CRTC1: variants seen among roughly 807,000 people sequenced by gnomAD.
CRTC1 encodes the protein CREB regulated transcription coactivator 1, also known as CREB-regulated transcription coactivator 1.
In CRTC1, 18 loss-of-function variants were observed where a neutral mutation model predicts 66.1. That is an observed-to-expected ratio of 0.27 (90% CI 0.19 to 0.40). CRTC1 has a LOEUF of 0.40. CRTC1 is among the 10% of genes least tolerant of loss of function. CRTC1 has a pLI of 1.00. For synonymous variants in CRTC1, 416 were observed against 398.8 expected (o/e 1.04, Z -0.51); for missense variants, 669 against 887.9 (o/e 0.75, Z 3.13).
chr19:18,687,644 C>T (rs1257337836), intron 1 of CRTC1, among the ~76,000 whole-genome samples: 1 of 152,108 alleles, frequency 6.6e-6, no homozygotes, highest in African/African-American at 2.4e-5. Flanking sequence ...ATGATCGGGT[C>T]GGCACCTGCT....
chr19:18,716,175 TG>T, intron 1 of CRTC1, among the ~76,000 whole-genome samples: 2 of 151,726 alleles, frequency 1.3e-5, no homozygotes, highest in Non-Finnish European at 2.9e-5. Flanking sequence ...CCACCCTTGT[TG>T]GGGGCTGTGG....
intron 2 of CRTC1, among the ~76,000 whole-genome samples, chr19:18,743,842 G>A (rs796380198): frequency 5.9e-5 from 9 of 152,356 alleles, no homozygotes; most frequent in African/African-American, 2.2e-4. Flanking sequence ...GATGCTGGGC[G>A]TGTTCTTTGT....
chr19:18,737,933 C>T (rs563571593), intron 1 of CRTC1, among the ~76,000 whole-genome samples: 1 of 152,144 alleles, frequency 6.6e-6, no homozygotes, highest in Non-Finnish European at 1.5e-5. Context: ...GTATGTAATA[C>T]GTATAACATA....
Position 18,768,742 on chromosome 19 carries a change from G to A in CRTC1, c.1269G>A (p.Gln423=). The change falls in exon 10 of 14, where the codon CAG becomes CAA. Residue 423 remains glutamine (Q), a synonymous_variant. Transcript: ENST00000321949. The surrounding 1 kb of genome is among the most constrained non-coding windows in gnomAD (Gnocchi z 5.6). The part of the protein sequence containing the change: ...LAVTVPSSLP[Q]SPPENPGQPS... ...TCACGGTACCGTCCTCTCTCCCCCAGTCCCCCCCAGAGAACCCTGGCCAGC... is the reference window on the plus strand; with the variant it reads ...TCACGGTACCGTCCTCTCTCCCCCAATCCCCCCCAGAGAACCCTGGCCAGC... The A allele has an allele frequency of 6.2e-7, 1 of 1,600,126 alleles. No individual in the cohort carries two copies. The highest frequency in any genetic ancestry group is 1.7e-5 in the Admixed American group (1 of 59,156).
At position 18,760,537 on chromosome 19, in the gene CRTC1, G is replaced by A. The variant is rs1265976379; in HGVS notation, c.886+309G>A. On this transcript the variant is annotated intron_variant, in intron 8 of 13. Transcript: ENST00000321949. The surrounding 1 kb of genome is among the most constrained non-coding windows in gnomAD (Gnocchi z 6.2). ...TTTTAACGCAGCTGGGGTGGGCCAGGCCTTCCCTCCGCCCCTCCTCGACCC... is the reference window on the plus strand; with the variant it reads ...TTTTAACGCAGCTGGGGTGGGCCAGACCTTCCCTCCGCCCCTCCTCGACCC... Among the ~76,000 whole-genome samples, 3 of 152,072 alleles carry A rather than the reference G, an allele frequency of 2.0e-5. No individual in the cohort carries two copies. The highest frequency in any genetic ancestry group is 4.8e-5 in the African/African-American group (2 of 41,476).
At chr19:18,738,040 T>G (rs971843098) in intron 1 of CRTC1, among the ~76,000 whole-genome samples, 2 of 151,868 alleles carry the variant, frequency 1.3e-5, no homozygotes, top group African/African-American at 4.8e-5. Context: ...TATACTGGAG[T>G]GGGGCACGGT....
rs182208261 is a variant in CRTC1 at position 18,720,608 on chromosome 19, C to T, written c.127-22302C>T. Among the ~76,000 whole-genome samples, 286 of 151,142 alleles carry T rather than the reference C, an allele frequency of 1.9e-3. 3 individuals carry two copies. The highest frequency in any genetic ancestry group is 0.015 in the South Asian group (71 of 4,794). On this transcript the variant is annotated intron_variant, in intron 1 of 13. Transcript: ENST00000321949. ...GTCTTGATCTCCTGACCTTGTGATCCGCCCGCCTCGGCCTCCCAGAGTGCT... is the reference window on the plus strand; with the variant it reads ...GTCTTGATCTCCTGACCTTGTGATCTGCCCGCCTCGGCCTCCCAGAGTGCT...
chr19:18,694,840 G>GTGGT (rs1412777184), intron 1 of CRTC1, among the ~76,000 whole-genome samples: 1 of 152,092 alleles, frequency 6.6e-6, no homozygotes, highest in Non-Finnish European at 1.5e-5. Flanking sequence ...GGGGCTGGGG[G>GTGGT]TGGTTAGCAA....
At chr19:18,774,540 C>G (rs1008124896) in intron 11 of CRTC1, among the ~76,000 whole-genome samples, 3 of 152,242 alleles carry the variant, frequency 2.0e-5, no homozygotes, top group South Asian at 2.1e-4. Flanking sequence ...CACTTCCCGC[C>G]TTGGCCCTGG....
At chr19:18,725,379 C>T (rs1008565104) in intron 1 of CRTC1, among the ~76,000 whole-genome samples, 2 of 152,232 alleles carry the variant, frequency 1.3e-5, no homozygotes, top group Admixed American at 1.3e-4. Context: ...AGAATCCTTG[C>T]TCTCTGTCAT....
At chr19:18,775,014 G>A (rs2054952837) in intron 12 of CRTC1, 28 bp downstream of exon 12, 1 of 1,595,682 alleles carries the variant, frequency 6.3e-7, no homozygotes, top group African/African-American at 1.3e-5. Flanking sequence ...CTGCCAGCCG[G>A]CCGGTGCCCA....
chr19:18,708,313 C>A (rs1329326945), intron 1 of CRTC1, among the ~76,000 whole-genome samples: 5 of 152,018 alleles, frequency 3.3e-5, no homozygotes, highest in Non-Finnish European at 5.9e-5. Flanking sequence ...TTAAGAAAGG[C>A]TAGAGAAAAG....
rs1239144978 is a variant in CRTC1 at position 18,768,792 on chromosome 19, C to T, written c.1319C>T (p.Ser440Leu). Residue 440 changes from serine (S) to leucine (L), a missense_variant and splice_region_variant, in exon 10 of 14, where the codon TCG becomes TTG. Coordinates refer to ENST00000321949, the MANE Select transcript of CRTC1 (RefSeq NM_015321.3). The surrounding 1 kb of genome is among the most constrained non-coding windows in gnomAD (Gnocchi z 5.6). The part of the protein sequence containing the change: ...GQPSMGIDIA[S>L]APALQQYRTS... ...CCATCGATGGGGATCGACATCGCCTCGGTAAGCCCAGGGTGGGGTCCCTCG... is the reference window on the plus strand; with the variant it reads ...CCATCGATGGGGATCGACATCGCCTTGGTAAGCCCAGGGTGGGGTCCCTCG... 3.8e-6 allele frequency: 6 copies of T among 1,596,058 alleles called. No homozygotes were observed. Among genetic ancestry groups the T allele is most frequent in the Admixed American group, 1.7e-5 (1 of 58,514 alleles).
At position 18,777,527 on chromosome 19, in the gene CRTC1, G is replaced by C. The variant is rs751992615; in HGVS notation, c.*145G>C. ...AAGCGCCCCCCGCCAGCCCGCCCCC[G>C]GTTGTCCACCTCCCGCGAAGCCCAA... On this transcript the variant is annotated 3_prime_UTR_variant, in exon 14 of 14. Transcript: ENST00000321949. This position sits in a 1 kb window ranked among gnomAD's most constrained non-coding sequence, Gnocchi z 5.5. 9.3e-6 allele frequency: 7 copies of C among 755,174 alleles called. No individual in the cohort carries two copies. The African/African-American group carries it at 1.3e-4, about 14-fold the overall frequency. The allele number at this position is 755,174 out of a possible 1,614,324, so 46.8% of individuals were successfully genotyped here. A position where few individuals can be genotyped will look rare whatever the true frequency, so the allele number is the denominator to read the frequency against.
At chr19:18,730,162 G>C (rs567387629) in intron 1 of CRTC1, among the ~76,000 whole-genome samples, 38 of 152,300 alleles carry the variant, frequency 2.5e-4, no homozygotes, top group African/African-American at 9.1e-4. Context: ...AGCTGGCCCT[G>C]CTGGTGGCGT....
intron 10 of CRTC1, among the ~76,000 whole-genome samples, chr19:18,770,654 TGTGTGTGC>T (rs1466563735): frequency 6.6e-6 from 1 of 151,982 alleles, no homozygotes; most frequent in Non-Finnish European, 1.5e-5. Flanking sequence ...TGCATGTGAA[TGTGTGTGC>T]ATGTGTGCAT....
At chr19:18,728,829 T>TTTTTTTTTTTTTTTTTTTTTTC (rs2053820007) in intron 1 of CRTC1, among the ~76,000 whole-genome samples, 1 of 141,174 alleles carries the variant, frequency 7.1e-6, no homozygotes. Flanking sequence ...TTTTTTTTTT[T>TTTTTTTTTTTTTTTTTTTTTTC]TGAGACAGAG....
intron 1 of CRTC1, among the ~76,000 whole-genome samples, chr19:18,698,644 G>A (rs534019798): frequency 6.6e-6 from 1 of 151,804 alleles, no homozygotes; most frequent in South Asian, 2.1e-4. Context: ...CTCAGCAGAT[G>A]CGCAGTGTGT....
chr19:18,706,180 GTCTTTT>G (rs2053259721), intron 1 of CRTC1, among the ~76,000 whole-genome samples: 1 of 26,362 alleles, frequency 3.8e-5, no homozygotes, highest in African/African-American at 1.4e-4. Context: ...TATTCCATTG[GTCTTTT>G]TTTTTTTTTT....
Sources: allele counts gnomAD v4.1 joint callset (sites outside exome capture counted in the v4.1 genomes callset), GRCh38; gene constraint gnomAD v4.1.1; non-coding constraint Gnocchi (gnomAD v3.1); transcripts MANE v1.5; gene names NCBI Gene and HGNC (gene_info 2026-07-23, HGNC 2026-07-21).